Variants in ARL15 observed in about 807,000 individuals in gnomAD.
The protein encoded by ARL15 is ARF like GTPase 15, also known as ADP-ribosylation factor-like protein 15.
ARL15 carries 19 observed loss-of-function variants against 25.2 expected under a neutral mutation model. The ratio of observed to expected loss-of-function variants is 0.75; its 90% CI spans 0.53 to 1.10. The LOEUF (loss-of-function observed/expected upper bound fraction) is 1.10, where lower values mean the gene tolerates loss of function less well. ARL15 is among the 50% of genes least tolerant of loss of function. The pLI is 0.00. For synonymous variants in ARL15, 94 were observed against 86.8 expected (o/e 1.08, Z -0.46); for missense variants, 220 against 246.0 (o/e 0.89, Z 0.71).
intron 1 of ARL15, among the ~76,000 whole-genome samples, chr5:54,178,373 C>T (rs1009280385): frequency 2.0e-5 from 3 of 152,156 alleles, no homozygotes; most frequent in East Asian, 3.9e-4. Context: ...TCTCCACAGC[C>T]AGACTACCCA....
At chr5:54,103,338 C>T (rs751182376) in intron 4 of ARL15, among the ~76,000 whole-genome samples, 6 of 152,056 alleles carry the variant, frequency 3.9e-5, no homozygotes, top group Non-Finnish European at 7.4e-5. Flanking sequence ...TATTTTTCTT[C>T]ATTAGACCTT....
chr5:54,094,530 T>C (rs374299176), intron 4 of ARL15, among the ~76,000 whole-genome samples: 1 of 151,452 alleles, frequency 6.6e-6, no homozygotes, highest in South Asian at 2.1e-4. Flanking sequence ...TAAGTAACTA[T>C]TACCATTTTC....
intron 2 of ARL15, among the ~76,000 whole-genome samples, chr5:54,165,544 A>AT (rs1274097328): frequency 1.3e-5 from 2 of 151,040 alleles, no homozygotes; most frequent in Admixed American, 1.3e-4. Flanking sequence ...TCTTACTTGC[A>AT]TTTTTCCAGT....
At chr5:54,148,017 T>A (rs1365894113) in intron 3 of ARL15, among the ~76,000 whole-genome samples, 1 of 152,162 alleles carries the variant, frequency 6.6e-6, no homozygotes, top group Middle Eastern at 3.2e-3. Context: ...TACATGGAAC[T>A]GTGAAAATGC....
At chr5:54,029,314 C>CCACCAACAA (rs879541957) in intron 4 of ARL15, among the ~76,000 whole-genome samples, 4 of 117,430 alleles carry the variant, frequency 3.4e-5, no homozygotes, top group South Asian at 5.5e-4. Flanking sequence ...GTTACCACCA[C>CCACCAACAA]CACCACCACC....
intron 4 of ARL15, among the ~76,000 whole-genome samples, chr5:53,995,767 C>T (rs971270007): frequency 3.9e-5 from 6 of 152,134 alleles, no homozygotes; most frequent in African/African-American, 7.2e-5. Context: ...CCCCTGCCCA[C>T]AAAATGCTAG....
At chr5:54,194,591 T>C (rs907922935) in intron 1 of ARL15, among the ~76,000 whole-genome samples, 4 of 152,162 alleles carry the variant, frequency 2.6e-5, no homozygotes, top group Non-Finnish European at 5.9e-5. Flanking sequence ...GGCTGTACTT[T>C]CCAGCCACCT....
chr5:54,282,304 G>A, intron 1 of ARL15: 1 of 985,398 alleles, frequency 1.0e-6, no homozygotes, highest in East Asian at 1.1e-4. Flanking sequence ...CAGCAAATGA[G>A]ATCTGGATGC....
chr5:53,949,541 T>G (rs1580109711), intron 4 of ARL15, among the ~76,000 whole-genome samples: 1 of 152,212 alleles, frequency 6.6e-6, no homozygotes, highest in Non-Finnish European at 1.5e-5. Context: ...GAAGACAGCA[T>G]GCATAAGATC....
At chr5:54,124,752 T>G (rs144402106) in intron 3 of ARL15, among the ~76,000 whole-genome samples, 88 of 152,330 alleles carry the variant, frequency 5.8e-4, no homozygotes, top group African/African-American at 2.0e-3. Flanking sequence ...GCATCATAGG[T>G]GCTCAATGAT....
At chr5:54,148,244 G>A (rs1263544675) in intron 3 of ARL15, among the ~76,000 whole-genome samples, 1 of 152,082 alleles carries the variant, frequency 6.6e-6, no homozygotes, top group Non-Finnish European at 1.5e-5. Context: ...AAATAACCTG[G>A]GCAGATTAAC....
intron 1 of ARL15, among the ~76,000 whole-genome samples, chr5:54,229,958 C>T (rs1756622463): frequency 6.6e-6 from 1 of 152,062 alleles, no homozygotes; most frequent in African/African-American, 2.4e-5. Flanking sequence ...GGCAGCAATA[C>T]GGGGAGTAAA....
chr5:54,063,845 T>C (rs1334379320), intron 4 of ARL15, among the ~76,000 whole-genome samples: 1 of 152,190 alleles, frequency 6.6e-6, no homozygotes, highest in Non-Finnish European at 1.5e-5. Flanking sequence ...TTTATTAATA[T>C]GTATATGGCC....
intron 4 of ARL15, among the ~76,000 whole-genome samples, chr5:54,008,286 G>A (rs1423434999): frequency 1.3e-5 from 2 of 152,058 alleles, no homozygotes; most frequent in Non-Finnish European, 2.9e-5. Flanking sequence ...TAAATATCAG[G>A]CAGACTGTGA....
At chr5:53,931,281 A>G (rs999789366) in intron 4 of ARL15, among the ~76,000 whole-genome samples, 1 of 152,206 alleles carries the variant, frequency 6.6e-6, no homozygotes, top group Non-Finnish European at 1.5e-5. Flanking sequence ...ACAGGGGGCT[A>G]TTCACACCAA....
intron 4 of ARL15, among the ~76,000 whole-genome samples, chr5:54,100,627 G>A (rs1018509103): frequency 6.6e-6 from 1 of 151,968 alleles, no homozygotes; most frequent in Non-Finnish European, 1.5e-5. Flanking sequence ...TAACAAGTTA[G>A]AGATTAAACT....
chr5:54,169,220 C>T (rs894316125), intron 2 of ARL15, among the ~76,000 whole-genome samples: 1 of 152,156 alleles, frequency 6.6e-6, no homozygotes, highest in African/African-American at 2.4e-5. Flanking sequence ...AGCAATAGTG[C>T]TAGAAGATAA....
intron 4 of ARL15, among the ~76,000 whole-genome samples, chr5:54,068,999 T>C (rs1184455343): frequency 3.9e-5 from 6 of 152,210 alleles, no homozygotes; most frequent in Admixed American, 1.3e-4. Context: ...TTAATTGTAT[T>C]GTCATTTTCA....
intron 4 of ARL15, among the ~76,000 whole-genome samples, chr5:53,899,063 C>T (rs72763131): frequency 0.086 from 13,103 of 151,998 alleles, 692 homozygotes; most frequent in Non-Finnish European, 0.13. Flanking sequence ...ATTTGTCAAA[C>T]TGGCTGTGCG....
Sources: gnomAD v4.1 joint callset for allele counts (sites outside exome capture counted in the v4.1 genomes callset) on GRCh38, gnomAD v4.1.1 for gene constraint, MANE v1.5 for transcripts, NCBI Gene and HGNC (gene_info 2026-07-23, HGNC 2026-07-21) for gene names.